The following CYP4X1 variants were observed in gnomAD, a reference collection of about 807,000 sequenced individuals.
The protein encoded by CYP4X1 is cytochrome P450 4X1.
In CYP4X1, 44 loss-of-function variants were observed where a neutral mutation model predicts 57.9. The ratio of observed to expected loss-of-function variants is 0.76; its 90% CI spans 0.60 to 0.98. The LOEUF is 0.98. CYP4X1 is among the 50% of genes least tolerant of loss of function. CYP4X1 has a pLI of 0.00. For synonymous variants in CYP4X1, 227 were observed against 228.6 expected, an observed-to-expected ratio of 0.99 and a Z score of 0.06; for missense variants, 532 against 623.9, an observed-to-expected ratio of 0.85 and a Z score of 1.57.
the CYP4X1 span, among the ~76,000 whole-genome samples, chr1:47,010,152 A>G: frequency 2.0e-5 from 3 of 152,042 alleles, no homozygotes; most frequent in Non-Finnish European, 4.4e-5. Context: ...CATCGATGCA[A>G]AAATCCTCAA....
the CYP4X1 span, among the ~76,000 whole-genome samples, chr1:47,007,900 C>A: frequency 1.3e-5 from 2 of 152,148 alleles, no homozygotes; most frequent in African/African-American, 4.8e-5. Context: ...ATGAACAAAG[C>A]CTCCAAGAAA....
intron 8 of CYP4X1, among the ~76,000 whole-genome samples, chr1:47,044,405 G>A (rs1644278732): frequency 6.6e-6 from 1 of 152,090 alleles, no homozygotes; most frequent in African/African-American, 2.4e-5. Context: ...TGTCTTTGAT[G>A]TCATAATTTA....
chr1:47,002,013 A>G, the CYP4X1 span, among the ~76,000 whole-genome samples: 18 of 152,314 alleles, frequency 1.2e-4, no homozygotes, highest in South Asian at 3.7e-3. Flanking sequence ...CTAAACATCC[A>G]GGCAGCGTTC....
At chr1:47,015,894 T>C in the CYP4X1 span, among the ~76,000 whole-genome samples, 1 of 152,216 alleles carries the variant, frequency 6.6e-6, no homozygotes, top group Non-Finnish European at 1.5e-5. Context: ...TAGAATCTTC[T>C]ATCCTTCCTA....
chr1:46,961,490 C>G, the CYP4X1 span: 1 of 1,125,460 alleles, frequency 8.9e-7, no homozygotes, highest in Non-Finnish European at 1.1e-6. Context: ...GCTTCCAGAA[C>G]ATTTGAGCCC....
rs1418985232 is a variant in CYP4X1, at chr1:47,050,170, G to A, written c.1526G>A (p.Cys509Tyr). 5 of 1,613,652 alleles carry A rather than the reference G, an allele frequency of 3.1e-6. No individual in the cohort carries two copies. In the African/African-American group the frequency reaches 5.3e-5, roughly 17 times the overall value. ...MYLHLKKLSE[C>Y] Reference sequence around the variant, plus strand: ...TTGCACCTGAAGAAACTCTCTGAATGTTAGATCTCAGGGTACAATGATTAA... The same window carrying A: ...TTGCACCTGAAGAAACTCTCTGAATATTAGATCTCAGGGTACAATGATTAA... The change falls in exon 12 of 12, where the codon TGT (cysteine) becomes TAT (tyrosine). Residue 509 changes from cysteine to tyrosine, a missense_variant. Coordinates refer to ENST00000371901, the MANE Select transcript of CYP4X1 (RefSeq NM_178033.2).
At chr1:47,052,464 T>A (rs1297759440), downstream of CYP4X1, among the ~76,000 whole-genome samples, 1 of 152,088 alleles carries the variant, frequency 6.6e-6, no homozygotes, top group Admixed American at 6.5e-5. Context: ...ATCCCTTAAC[T>A]CTCAAATTAG....
At chr1:46,970,194 T>A in the CYP4X1 span, among the ~76,000 whole-genome samples, 165 of 152,308 alleles carry the variant, frequency 1.1e-3, 2 homozygotes, top group East Asian at 0.027. Flanking sequence ...ACACCTGAAG[T>A]TGAATTTATT....
intron 9 of CYP4X1, among the ~76,000 whole-genome samples, chr1:47,047,322 A>G (rs920571466): frequency 6.6e-6 from 1 of 152,200 alleles, no homozygotes; most frequent in Non-Finnish European, 1.5e-5. Context: ...TCAATGTTCT[A>G]TTAATTCATG....
chr1:46,987,173 G>T, the CYP4X1 span, among the ~76,000 whole-genome samples: 2 of 151,966 alleles, frequency 1.3e-5, no homozygotes, highest in African/African-American at 4.8e-5. Context: ...AATAAATAAA[G>T]GGATGGAGGA....
the CYP4X1 span, among the ~76,000 whole-genome samples, chr1:47,004,205 C>T: frequency 0.018 from 2,704 of 152,076 alleles, 56 homozygotes; most frequent in East Asian, 0.048. Flanking sequence ...CCCCTGTGCT[C>T]GGGGCCGCTC....
At chr1:47,049,582 T>G in intron 11 of CYP4X1, 78 bp downstream of exon 11, 1 of 1,253,840 alleles carries the variant, frequency 8.0e-7, no homozygotes, top group Non-Finnish European at 1.2e-6. Flanking sequence ...GCTCCTCAGC[T>G]CTATACATTC....
At chr1:47,007,762 C>T in the CYP4X1 span, among the ~76,000 whole-genome samples, 15 of 152,098 alleles carry the variant, frequency 9.9e-5, no homozygotes, top group East Asian at 1.9e-4. Context: ...AACCATGGCA[C>T]GAGAACTACG....
intron 8 of CYP4X1, among the ~76,000 whole-genome samples, chr1:47,044,299 C>T (rs997822343): frequency 6.6e-6 from 1 of 152,100 alleles, no homozygotes; most frequent in African/African-American, 2.4e-5. Flanking sequence ...TTACATAAAG[C>T]ATAGTTATAA....
the CYP4X1 span, among the ~76,000 whole-genome samples, chr1:46,989,024 A>G: frequency 6.6e-6 from 1 of 152,166 alleles, no homozygotes; most frequent in Non-Finnish European, 1.5e-5. Flanking sequence ...CTCCTATTCA[A>G]CATAGTATTG....
chr1:46,984,082 G>A, the CYP4X1 span, among the ~76,000 whole-genome samples: 1 of 151,572 alleles, frequency 6.6e-6, no homozygotes, highest in South Asian at 2.1e-4. Flanking sequence ...GAGCAGCTCT[G>A]GTGTCAGTCT....
downstream of CYP4X1, among the ~76,000 whole-genome samples, chr1:47,053,458 G>C (rs1167632013): frequency 6.6e-6 from 1 of 152,148 alleles, no homozygotes; most frequent in Admixed American, 6.5e-5. Context: ...GTGTCAAATG[G>C]TATTTCTAGT....
chr1:46,994,813 G>A, the CYP4X1 span, among the ~76,000 whole-genome samples: 1 of 152,146 alleles, frequency 6.6e-6, no homozygotes, highest in South Asian at 2.1e-4. Flanking sequence ...GCCAGATGGG[G>A]GGCACAGCTG....
the CYP4X1 span, among the ~76,000 whole-genome samples, chr1:47,015,960 T>A: frequency 6.6e-6 from 1 of 152,188 alleles, no homozygotes; most frequent in Admixed American, 6.5e-5. Context: ...AGAATAATCA[T>A]CATTTTATTT....
Sources: gnomAD v4.1 joint callset for allele counts (sites outside exome capture counted in the v4.1 genomes callset) on GRCh38, gnomAD v4.1.1 for gene constraint, MANE v1.5 for transcripts, NCBI Gene and HGNC (gene_info 2026-07-23, HGNC 2026-07-21) for gene names.